NOTCH2: variants seen among roughly 807,000 people sequenced by gnomAD.
The protein encoded by NOTCH2 is notch receptor 2.
In NOTCH2, 29 loss-of-function variants were observed where a neutral mutation model predicts 235.8. That is an observed-to-expected ratio of 0.12 (90% CI 0.09 to 0.17). The LOEUF is 0.17. NOTCH2 is among the 10% of genes least tolerant of loss of function. The pLI, the probability that NOTCH2 is intolerant of heterozygous loss-of-function variation, is 1.00. For missense variants in NOTCH2, 2,285 were observed against 3,150.2 expected, an observed-to-expected ratio of 0.73 and a Z score of 6.57; for synonymous variants, 1,086 against 1,141.5, an observed-to-expected ratio of 0.95 and a Z score of 0.98.
chr1:120,063,465 A>G (rs1553216580), intron 1 of NOTCH2, among the ~76,000 whole-genome samples: 1 of 152,122 alleles, frequency 6.6e-6, no homozygotes, highest in Admixed American at 6.5e-5. Context: ...TAACATTCTA[A>G]TGGAGGAATA....
At chr1:120,025,555 T>C (rs1212496129) in intron 2 of NOTCH2, among the ~76,000 whole-genome samples, 13 of 114,690 alleles carry the variant, frequency 1.1e-4, no homozygotes, top group African/African-American at 4.5e-4. Flanking sequence ...CAACATTCTT[T>C]AGTGGGAGAT....
chr1:119,917,221 G>C (rs1649112739), intron 33 of NOTCH2, among the ~76,000 whole-genome samples: 2 of 151,516 alleles, frequency 1.3e-5, no homozygotes, highest in Admixed American at 1.3e-4. Flanking sequence ...GGAAAACAAA[G>C]AAAACTGAGA....
chr1:119,948,901 A>T, intron 16 of NOTCH2, 106 bp downstream of exon 16: 1 of 1,387,142 alleles, frequency 7.2e-7, no homozygotes, highest in South Asian at 1.2e-5. Flanking sequence ...GACAAGATGG[A>T]CAGGCCTCAT....
At chr1:119,949,580 G>T (rs1369825429) in intron 15 of NOTCH2, among the ~76,000 whole-genome samples, 1 of 151,948 alleles carries the variant, frequency 6.6e-6, no homozygotes, top group Non-Finnish European at 1.5e-5. Context: ...TAGAGACGGG[G>T]TTTCACCATG....
chr1:119,982,378 C>T (rs1233808604), intron 5 of NOTCH2, among the ~76,000 whole-genome samples: 3 of 152,032 alleles, frequency 2.0e-5, no homozygotes, highest in African/African-American at 7.2e-5. Flanking sequence ...AGAAGTGAGC[C>T]CAAAGTCAAA....
At chr1:120,046,035 T>C (rs1480843793) in intron 1 of NOTCH2, among the ~76,000 whole-genome samples, 1 of 152,030 alleles carries the variant, frequency 6.6e-6, no homozygotes, top group African/African-American at 2.4e-5. Context: ...TAAATATGTA[T>C]TTACTTGAGG....
At chr1:120,037,921 AT>A (rs1286414787) in intron 1 of NOTCH2, among the ~76,000 whole-genome samples, 34 of 152,156 alleles carry the variant, frequency 2.2e-4, no homozygotes, top group Non-Finnish European at 3.7e-4. Flanking sequence ...ATAAATGAAT[AT>A]TTTTTGTATT....
intron 1 of NOTCH2, among the ~76,000 whole-genome samples, chr1:120,037,167 T>C (rs1553212026): frequency 6.6e-6 from 1 of 152,120 alleles, no homozygotes; most frequent in Non-Finnish European, 1.5e-5. Context: ...TTAGACCCAC[T>C]GCTCAATCGG....
intron 26 of NOTCH2, 127 bp downstream of exon 26, chr1:119,923,510 C>T: frequency 1.2e-6 from 1 of 853,062 alleles, no homozygotes; most frequent in Non-Finnish European, 2.0e-6. Context: ...ACGGGTTTAT[C>T]TTAAGTGGTG....
At chr1:120,000,843 A>T (rs1553205200) in intron 3 of NOTCH2, among the ~76,000 whole-genome samples, 1 of 152,138 alleles carries the variant, frequency 6.6e-6, no homozygotes, top group Non-Finnish European at 1.5e-5. Context: ...GAGATAATGG[A>T]TCATCCTAAC....
rs1553196359 is a variant in NOTCH2 at position 119,940,759 on chromosome 1, A to G, written c.2982-3T>C. The G allele has an allele frequency of 2.5e-6, 4 of 1,613,760 alleles. No homozygotes were observed. The highest frequency in any genetic ancestry group is 3.4e-6 in the Non-Finnish European group (4 of 1,179,728). Reference sequence around the variant, plus strand: ...ATGTGCCACCATTGAAACAGGAGCTAAGAAGCAAACAGAGCAACATCAGCT... The same window carrying G: ...ATGTGCCACCATTGAAACAGGAGCTGAGAAGCAAACAGAGCAACATCAGCT... On this transcript the variant is annotated splice_polypyrimidine_tract_variant and splice_region_variant and intron_variant, in intron 18 of 33. Coordinates refer to ENST00000256646, the MANE Select transcript of NOTCH2 (RefSeq NM_024408.4).
chr1:120,025,035 G>C (rs1370942040), intron 2 of NOTCH2, among the ~76,000 whole-genome samples: 11 of 151,894 alleles, frequency 7.2e-5, no homozygotes, highest in Admixed American at 2.0e-4. Flanking sequence ...GTACACCCCA[G>C]TTCATGCAGC....
At chr1:120,037,488 C>T (rs587712952) in intron 1 of NOTCH2, among the ~76,000 whole-genome samples, 333 of 151,754 alleles carry the variant, frequency 2.2e-3, no homozygotes, top group Admixed American at 0.019. Flanking sequence ...ATTCTCATAG[C>T]GCCCTGCAAT....
In NOTCH2 at chr1:119,997,245, C is replaced by G; in HGVS notation, c.503G>C (p.Cys168Ser). The stretch of plus-strand genomic sequence containing the variant: ...CCCTGTGAAGCCTGTGAGGCATTTG[C>G]AGGAGAACTGGTTGGCCACAGTGGT... Reference protein sequence around the residue: ...TCTTVANQFSCKCLTGFTGQK... With the variant: ...TCTTVANQFSSKCLTGFTGQK... Residue 168 changes from cysteine (C) to serine (S), a missense_variant, in exon 4 of 34, where the codon TGC (cysteine) becomes TCC (serine). Transcript: ENST00000256646. 1 of 1,614,016 alleles carries G rather than the reference C, an allele frequency of 6.2e-7. No homozygotes were observed. The highest frequency in any genetic ancestry group is 8.5e-7 in the Non-Finnish European group (1 of 1,179,874).
intron 15 of NOTCH2, 172 bp downstream of exon 15, chr1:119,950,552 C>A (rs1650432337): frequency 1.4e-6 from 1 of 704,700 alleles, no homozygotes. Context: ...CTTAGGAGGC[C>A]ACAATGTTTC....
In NOTCH2 at chr1:119,948,534, T is replaced by C; in HGVS notation, c.2632A>G (p.Ile878Val). ...QRCTIDIDEC[I>V]SKPCMNHGLC... ...CCATGGTTCATGCAGGGCTTGGAGA[T>C]ACACTCGTCAATGTCAATGGTACAC... is the stretch of plus-strand genomic sequence containing the variant. Residue 878 changes from isoleucine to valine, a missense_variant, in exon 17 of 34, where the codon ATC becomes GTC. Transcript: ENST00000256646. 2 of 1,614,168 alleles carry C rather than the reference T, an allele frequency of 1.2e-6. No individual in the cohort carries two copies. Among genetic ancestry groups the C allele is most frequent in the South Asian group, 2.2e-5 (2 of 91,090 alleles).
chr1:119,954,620 G>A (rs933718228), intron 13 of NOTCH2, among the ~76,000 whole-genome samples: 3 of 152,112 alleles, frequency 2.0e-5, no homozygotes, highest in Admixed American at 2.0e-4. Flanking sequence ...TGGCTGAAGC[G>A]GCCCTACTTC....
At position 119,948,994 on chromosome 1, in the gene NOTCH2, C is replaced by T. The variant is rs781952329; in HGVS notation, c.2599+13G>A. 4 of 1,614,184 alleles carry T rather than the reference C, an allele frequency of 2.5e-6. No homozygotes were observed. The South Asian group carries it at 4.4e-5, about 18-fold the overall frequency. On this transcript the variant is annotated intron_variant, in intron 16 of 33. Coordinates refer to ENST00000256646, the MANE Select transcript of NOTCH2 (RefSeq NM_024408.4). Reference sequence around the variant, plus strand: ...AATGCATGTTCTTGGCTTCTCCACACCCATGTTCTTACCTTGCCAGCCAGG... The same window carrying T: ...AATGCATGTTCTTGGCTTCTCCACATCCATGTTCTTACCTTGCCAGCCAGG...
intron 22 of NOTCH2, among the ~76,000 whole-genome samples, chr1:119,934,723 A>G (rs1185795835): frequency 6.6e-6 from 1 of 152,250 alleles, no homozygotes; most frequent in African/African-American, 2.4e-5. Flanking sequence ...GACACTAACA[A>G]GGATGAATTT....
Sources: gnomAD v4.1 joint callset for allele counts (sites outside exome capture counted in the v4.1 genomes callset) on GRCh38, gnomAD v4.1.1 for gene constraint, MANE v1.5 for transcripts, NCBI Gene and HGNC (gene_info 2026-07-23, HGNC 2026-07-21) for gene names.